Variants in AGAP1 observed in about 807,000 individuals in gnomAD.
AGAP1 encodes the protein arf-GAP with GTPase, ANK repeat and PH domain-containing protein 1.
AGAP1 carries 29 observed loss-of-function variants against 105.3 expected under a neutral mutation model. The observed-to-expected ratio is 0.28, with a 90% CI of 0.21 to 0.38. AGAP1 has a LOEUF of 0.38. Among genes scored for constraint, AGAP1 ranks in the 10% least tolerant of loss-of-function variants. AGAP1 has a pLI of 1.00. For missense variants in AGAP1, 998 were observed against 1,165.1 expected, an observed-to-expected ratio of 0.86 and a Z score of 2.09; for synonymous variants, 509 against 485.9, an observed-to-expected ratio of 1.05 and a Z score of -0.63.
chr2:236,026,255 G>A (rs1276700634), intron 13 of AGAP1, among the ~76,000 whole-genome samples: 2 of 152,202 alleles, frequency 1.3e-5, no homozygotes, highest in African/African-American at 4.8e-5. Context: ...GAGTGGCCAG[G>A]GACATCACGT....
intron 9 of AGAP1, among the ~76,000 whole-genome samples, chr2:235,807,631 CGCGG>C (rs1957906424): frequency 6.6e-6 from 1 of 152,184 alleles, no homozygotes; most frequent in Admixed American, 6.5e-5. Flanking sequence ...TTGATTGGGC[CGCGG>C]GCCGCCGGGC....
chr2:236,067,764 C>T (rs1403113367), intron 16 of AGAP1, among the ~76,000 whole-genome samples: 2 of 152,142 alleles, frequency 1.3e-5, no homozygotes, highest in Non-Finnish European at 2.9e-5. Flanking sequence ...TCCAGTATGC[C>T]GTGTTCACGT....
chr2:235,696,069 G>A (rs914156240), intron 1 of AGAP1, among the ~76,000 whole-genome samples: 2 of 152,098 alleles, frequency 1.3e-5, no homozygotes, highest in African/African-American at 4.8e-5. Context: ...TTCTTGAGAC[G>A]GAGTTTCACT....
intron 13 of AGAP1, among the ~76,000 whole-genome samples, chr2:236,032,473 G>C (rs779232073): frequency 1.3e-5 from 2 of 152,174 alleles, no homozygotes; most frequent in Non-Finnish European, 2.9e-5. Context: ...AGGTGCTCCA[G>C]AAAGAGGGGG....
intron 1 of AGAP1, among the ~76,000 whole-genome samples, chr2:235,627,759 T>C (rs887312263): frequency 2.0e-5 from 3 of 152,134 alleles, no homozygotes; most frequent in African/African-American, 7.2e-5. Context: ...TTATTCACAG[T>C]TGGGGCTCAT....
chr2:236,068,021 C>T (rs2058391830), intron 16 of AGAP1, among the ~76,000 whole-genome samples: 1 of 152,186 alleles, frequency 6.6e-6, no homozygotes, highest in Non-Finnish European at 1.5e-5. Flanking sequence ...CCTGTAATCC[C>T]AGCACTTTGG....
At chr2:235,688,016 C>G (rs993836399) in intron 1 of AGAP1, among the ~76,000 whole-genome samples, 1 of 151,800 alleles carries the variant, frequency 6.6e-6, no homozygotes, top group Non-Finnish European at 1.5e-5. Context: ...ATTCTCCCGC[C>G]TCAGCCTCCA....
chr2:236,026,406 C>T (rs2057055258), intron 13 of AGAP1, among the ~76,000 whole-genome samples: 1 of 152,182 alleles, frequency 6.6e-6, no homozygotes, highest in African/African-American at 2.4e-5. Flanking sequence ...CCAGACTGAC[C>T]TGATTGTGTG....
intron 13 of AGAP1, among the ~76,000 whole-genome samples, chr2:236,013,207 C>T (rs1048879557): frequency 2.0e-5 from 3 of 152,186 alleles, no homozygotes; most frequent in African/African-American, 7.2e-5. Context: ...ATTGTATTTG[C>T]TTCCTTAAAG....
chr2:235,592,536 CT>C, intron 1 of AGAP1, among the ~76,000 whole-genome samples: 1 of 152,056 alleles, frequency 6.6e-6, no homozygotes, highest in South Asian at 2.1e-4. Flanking sequence ...GTGGCATGAG[CT>C]CTTGGAGGTT....
intron 6 of AGAP1, among the ~76,000 whole-genome samples, chr2:235,770,562 G>A (rs534109736): frequency 5.5e-4 from 84 of 152,322 alleles, no homozygotes; most frequent in African/African-American, 2.0e-3. Context: ...GAGGGTTCCT[G>A]CATTGCCCAT....
intron 9 of AGAP1, among the ~76,000 whole-genome samples, chr2:235,856,142 G>A (rs2048675468): frequency 6.6e-6 from 1 of 152,082 alleles, no homozygotes; most frequent in African/African-American, 2.4e-5. Flanking sequence ...CTGAACTCCT[G>A]ACCTTGTGAG....
At position 236,020,082 on chromosome 2, in the gene AGAP1, C is replaced by T. The variant is rs2056837913; in HGVS notation, c.1646-16479C>T. ...TGGTCTTGGTTCAGTCCCACATCCC[C>T]ACTTCATAGCTCTAACCTTGGGTTC... is the stretch of plus-strand genomic sequence containing the variant. On this transcript the variant is annotated intron_variant, in intron 13 of 17. Coordinates refer to ENST00000304032, the MANE Select transcript of AGAP1 (RefSeq NM_001037131.3). The surrounding 1 kb of genome is among the most constrained non-coding windows in gnomAD (Gnocchi z 5.0). 6.6e-6 allele frequency among the ~76,000 whole-genome samples: 1 copy of T among 152,244 alleles called. No homozygotes were observed. The highest frequency in any genetic ancestry group is 6.5e-5 in the Admixed American group (1 of 15,290).
intron 16 of AGAP1, among the ~76,000 whole-genome samples, chr2:236,064,367 G>T (rs2058289381): frequency 6.6e-6 from 1 of 152,148 alleles, no homozygotes. Context: ...GAGGTGGGTG[G>T]ATCACTTGAG....
rs939643155 is a variant in AGAP1, at chr2:235,961,677, A to G, written c.1484-6785A>G. Among the ~76,000 whole-genome samples, 3 of 152,218 alleles carry G rather than the reference A, an allele frequency of 2.0e-5. No individual in the cohort carries two copies. Among genetic ancestry groups the G allele is most frequent in the Non-Finnish European group, 4.4e-5 (3 of 68,042 alleles). On this transcript the variant is annotated intron_variant, in intron 12 of 17. Coordinates refer to ENST00000304032, the MANE Select transcript of AGAP1 (RefSeq NM_001037131.3). This position sits in a 1 kb window ranked among gnomAD's most constrained non-coding sequence, Gnocchi z 5.9. ...ATAATCCCAGCACTTTGGGAGGCCA[A>G]GGCGGATGGATCATGAGGTCAAGAG...
At chr2:235,924,393 T>C (rs1462017556) in intron 11 of AGAP1, among the ~76,000 whole-genome samples, 1 of 152,164 alleles carries the variant, frequency 6.6e-6, no homozygotes, top group Non-Finnish European at 1.5e-5. Context: ...GTATACCTTC[T>C]ACTAGACTAG....
intron 1 of AGAP1, among the ~76,000 whole-genome samples, chr2:235,525,406 G>GGAGGACTGATTTATAAAGTA (rs1394668602): frequency 7.2e-6 from 1 of 139,486 alleles, no homozygotes; most frequent in African/African-American, 2.7e-5. Flanking sequence ...CACATAATGT[G>GGAGGACTGATTTATAAAGTA]GAGGACTGAT....
intron 1 of AGAP1, among the ~76,000 whole-genome samples, chr2:235,499,158 C>A (rs1941453270): frequency 6.6e-6 from 1 of 152,190 alleles, no homozygotes; most frequent in Non-Finnish European, 1.5e-5. Context: ...TCACCTCTGG[C>A]CCTCTGTCGC....
chr2:235,857,295 C>T (rs2048725868), intron 9 of AGAP1, among the ~76,000 whole-genome samples: 1 of 152,132 alleles, frequency 6.6e-6, no homozygotes, highest in South Asian at 2.1e-4. Context: ...GAATCTAGTG[C>T]CCGATGATCT....
Sources: gnomAD v4.1 joint callset for allele counts (sites outside exome capture counted in the v4.1 genomes callset) on GRCh38, gnomAD v4.1.1 for gene constraint, Gnocchi (gnomAD v3.1) non-coding constraint, MANE v1.5 for transcripts, NCBI Gene and HGNC (gene_info 2026-07-23, HGNC 2026-07-21) for gene names.